KHDRBS2: variants seen among roughly 807,000 people sequenced by gnomAD.
The protein encoded by KHDRBS2 is KH domain-containing, RNA-binding, signal transduction-associated protein 2.
KHDRBS2 carries 26 observed loss-of-function variants against 44.3 expected under a neutral mutation model. That is an observed-to-expected ratio of 0.59 (90% CI 0.43 to 0.81). The LOEUF (loss-of-function observed/expected upper bound fraction) is 0.81. Ranked by LOEUF, KHDRBS2 falls within the 40% of genes least tolerant of loss-of-function variation. The pLI is 0.00. For missense variants in KHDRBS2, 476 were observed against 433.1 expected, an observed-to-expected ratio of 1.10 and a Z score of -0.88; for synonymous variants, 194 against 151.1, an observed-to-expected ratio of 1.28 and a Z score of -2.08.
downstream of KHDRBS2, chr6:61,678,803 A>G (rs1347972903): frequency 6.6e-6 from 1 of 151,926 alleles, no homozygotes; most frequent in East Asian, 1.9e-4. Flanking sequence ...TAGGTGTTTT[A>G]GCTCATCACT....
intron 2 of KHDRBS2, among the ~76,000 whole-genome samples, chr6:62,124,662 T>G (rs1808522632): frequency 6.6e-6 from 1 of 151,686 alleles, no homozygotes; most frequent in South Asian, 2.1e-4. Flanking sequence ...TTAGGTTGAT[T>G]CCATTTCTTT....
At chr6:61,586,113 C>T in the KHDRBS2 span, among the ~76,000 whole-genome samples, 1 of 152,152 alleles carries the variant, frequency 6.6e-6, no homozygotes, top group African/African-American at 2.4e-5. Flanking sequence ...TGCCATAAGA[C>T]ACCAGAACCT....
chr6:61,661,810 T>C, the KHDRBS2 span, among the ~76,000 whole-genome samples: 3 of 151,946 alleles, frequency 2.0e-5, no homozygotes, highest in Non-Finnish European at 4.4e-5. Context: ...ATCGTGAAAA[T>C]GGCCATACTG....
At chr6:61,734,718 G>C (rs756960657) in intron 6 of KHDRBS2, among the ~76,000 whole-genome samples, 1 of 151,880 alleles carries the variant, frequency 6.6e-6, no homozygotes, top group South Asian at 2.1e-4. Context: ...TTCTTCCAAC[G>C]TTAATAATTG....
the KHDRBS2 span, among the ~76,000 whole-genome samples, chr6:61,587,274 T>C: frequency 6.6e-6 from 1 of 152,244 alleles, no homozygotes; most frequent in East Asian, 1.9e-4. Context: ...AATTGTGTTG[T>C]AACTGAAATC....
chr6:62,111,697 T>C (rs773444343), intron 2 of KHDRBS2, among the ~76,000 whole-genome samples: 1 of 151,932 alleles, frequency 6.6e-6, no homozygotes, highest in African/African-American at 2.4e-5. Flanking sequence ...ACCTGGGAAA[T>C]ATAGTAAGAC....
At chr6:62,050,530 C>T (rs142138709) in intron 2 of KHDRBS2, among the ~76,000 whole-genome samples, 93 of 151,884 alleles carry the variant, frequency 6.1e-4, no homozygotes, top group African/African-American at 2.2e-3. Context: ...CACTCCTTAC[C>T]TCTGAAAAAT....
intron 2 of KHDRBS2, among the ~76,000 whole-genome samples, chr6:62,072,784 A>AT (rs1346154362): frequency 1.3e-5 from 2 of 151,982 alleles, no homozygotes; most frequent in Non-Finnish European, 2.9e-5. Context: ...TTCATCAGGG[A>AT]TATTGGTCTA....
At chr6:61,728,461 A>G (rs1773930024) in intron 7 of KHDRBS2, among the ~76,000 whole-genome samples, 1 of 152,200 alleles carries the variant, frequency 6.6e-6, no homozygotes, top group African/African-American at 2.4e-5. Flanking sequence ...AGTTGAAGAA[A>G]AAAAAAGATT....
chr6:62,001,305 C>G (rs1379090028), intron 3 of KHDRBS2, among the ~76,000 whole-genome samples: 1 of 151,812 alleles, frequency 6.6e-6, no homozygotes, highest in Admixed American at 6.6e-5. Context: ...AGGTAACACA[C>G]TATTATCTAT....
At chr6:62,280,803 A>C (rs2150196291) in intron 1 of KHDRBS2, among the ~76,000 whole-genome samples, 1 of 152,374 alleles carries the variant, frequency 6.6e-6, no homozygotes, top group Admixed American at 6.5e-5. Flanking sequence ...ATACAAATAA[A>C]GGATTTAACT....
chr6:61,843,849 AAT>A (rs771072131), intron 6 of KHDRBS2, among the ~76,000 whole-genome samples: 80 of 152,214 alleles, frequency 5.3e-4, no homozygotes, highest in African/African-American at 1.1e-3. Context: ...TTTAGTTTTT[AAT>A]ATATGTTTCT....
intron 4 of KHDRBS2, among the ~76,000 whole-genome samples, chr6:61,968,372 A>G (rs1448378575): frequency 6.6e-6 from 1 of 151,814 alleles, no homozygotes; most frequent in East Asian, 1.9e-4. Context: ...TCTGTCACAT[A>G]CTCCTTGCCT....
At chr6:61,961,436 G>T (rs556207858) in intron 4 of KHDRBS2, among the ~76,000 whole-genome samples, 23 of 146,664 alleles carry the variant, frequency 1.6e-4, no homozygotes, top group South Asian at 6.5e-4. Flanking sequence ...GAGAGAGAAA[G>T]AAAGAAAGAG....
intron 5 of KHDRBS2, among the ~76,000 whole-genome samples, chr6:61,899,382 G>A (rs1159572976): frequency 2.6e-5 from 4 of 151,776 alleles, no homozygotes; most frequent in Admixed American, 2.0e-4. Flanking sequence ...CACCACTAAT[G>A]ATATCAGTAC....
At chr6:62,229,460 T>A (rs1356468650) in intron 1 of KHDRBS2, among the ~76,000 whole-genome samples, 1 of 152,172 alleles carries the variant, frequency 6.6e-6, no homozygotes, top group Non-Finnish European at 1.5e-5. Context: ...AGTCCCAGTG[T>A]TGGACATTGC....
intron 6 of KHDRBS2, among the ~76,000 whole-genome samples, chr6:61,734,300 G>A (rs1774972933): frequency 6.6e-6 from 1 of 151,958 alleles, no homozygotes; most frequent in African/African-American, 2.4e-5. Flanking sequence ...TTTGTTCAAT[G>A]TTCTAAAGTT....
chr6:61,977,953 A>G, intron 4 of KHDRBS2, 113 bp downstream of exon 4: 7 of 874,848 alleles, frequency 8.0e-6, no homozygotes, highest in East Asian at 2.5e-5. Context: ...ACCTGTGGAT[A>G]GATCATTGGT....
chr6:61,723,026 G>T (rs1772943332), intron 7 of KHDRBS2, among the ~76,000 whole-genome samples: 1 of 152,058 alleles, frequency 6.6e-6, no homozygotes, highest in South Asian at 2.1e-4. Context: ...GAAGAAGCAG[G>T]CTGCCATCTT....
Sources: gnomAD v4.1 joint callset for allele counts (sites outside exome capture counted in the v4.1 genomes callset) on GRCh38, gnomAD v4.1.1 for gene constraint, MANE v1.5 for transcripts, NCBI Gene and HGNC (gene_info 2026-07-23, HGNC 2026-07-21) for gene names.